FGF13: variants seen among roughly 807,000 people sequenced by gnomAD.
FGF13 encodes the protein fibroblast growth factor 13.
FGF13 carries 2 observed loss-of-function variants against 19.5 expected under a neutral mutation model. The ratio of observed to expected loss-of-function variants is 0.10; its 90% CI spans 0.04 to 0.32. FGF13 has a LOEUF of 0.32. FGF13 is among the 10% of genes least tolerant of loss of function. FGF13 has a pLI of 1.00. For missense variants in FGF13, 113 were observed against 192.7 expected (o/e 0.59, Z 2.45); for synonymous variants, 72 against 76.9 (o/e 0.94, Z 0.33).
intron 1 of FGF13, among the ~76,000 whole-genome samples, chrX:138,996,613 G>A (rs1326236876): frequency 8.9e-6 from 1 of 112,534 alleles, no homozygotes; most frequent in African/African-American, 3.2e-5. Context: ...CAGCAAGGCC[G>A]ACTGCCTCTC....
At chrX:138,960,707 C>T (rs912027902) in intron 1 of FGF13, among the ~76,000 whole-genome samples, 9 of 111,652 alleles carry the variant, frequency 8.1e-5, no homozygotes, top group Middle Eastern at 4.6e-3. Context: ...TTGTTTGTTT[C>T]GTTTTACTCT....
chrX:138,821,293 T>C (rs2090997799), intron 3 of FGF13, among the ~76,000 whole-genome samples: 1 of 111,984 alleles, frequency 8.9e-6, no homozygotes, highest in Non-Finnish European at 1.9e-5. Context: ...ACCTAAAATG[T>C]AGCTAATGTG....
intron 1 of FGF13, among the ~76,000 whole-genome samples, chrX:138,971,395 G>A (rs1046985236): frequency 1.8e-5 from 2 of 111,561 alleles, no homozygotes; most frequent in Admixed American, 9.5e-5. Flanking sequence ...TGTTTTTAAC[G>A]GACAAATAAT....
Position 138,631,240 on chromosome X carries a change from T to G in FGF13, c.*1610A>C, listed in dbSNP as rs985934126. ...GTTCTCAAAGGTAGAAAGGACACTA[T>G]TTAGTCCTGTGTATTCCCTCTAGAG... On this transcript the variant is annotated 3_prime_UTR_variant, in exon 5 of 5. Coordinates refer to ENST00000315930, the MANE Select transcript of FGF13 (RefSeq NM_004114.5). 8.0e-5 allele frequency: 9 copies of G among 112,015 alleles called. No individual in the cohort carries two copies. Among genetic ancestry groups the G allele is most frequent in the African/African-American group, 2.9e-4 (9 of 30,807 alleles). 9.2% of individuals were successfully genotyped at this position (112,015 alleles called of 1,213,427 possible).
chrX:139,028,624 A>T lies in FGF13; in HGVS notation c.-112-163974T>A, dbSNP rs1419001993. 9.2e-3 allele frequency among the ~76,000 whole-genome samples: 216 copies of T among 23,409 alleles called. 1 individual carries two copies. The highest frequency in any genetic ancestry group is 0.021 in the African/African-American group (191 of 8,930). The allele number at this position is 23,409 out of a possible 115,157, so 20.3% of individuals were successfully genotyped here. ...GTGTGTGTGTGTGTGTGTGAGAGAG[A>T]GAGAGAGAGAGTGTGTGTGTGTGTG... On this transcript the variant is annotated intron_variant, in intron 1 of 2. Transcript: ENST00000421460.
chrX:139,154,321 T>G (rs938820601), intron 1 of FGF13, among the ~76,000 whole-genome samples: 2 of 111,246 alleles, frequency 1.8e-5, no homozygotes, highest in African/African-American at 6.5e-5. Flanking sequence ...CTCAGAACAT[T>G]ATGTGCTGAT....
At chrX:139,189,672 T>C (rs2084309387) in intron 1 of FGF13, among the ~76,000 whole-genome samples, 1 of 111,597 alleles carries the variant, frequency 9.0e-6, no homozygotes, top group South Asian at 3.8e-4. Flanking sequence ...TGCAAGGGAC[T>C]GGGGTAATGG....
upstream of FGF13, among the ~76,000 whole-genome samples, chrX:138,742,783 C>G (rs1008998271): frequency 8.9e-6 from 1 of 112,064 alleles, no homozygotes; most frequent in Non-Finnish European, 1.9e-5. Context: ...GAGATTTAAT[C>G]ATTTCCTATT....
At chrX:139,010,624 C>A (rs2092124214) in intron 1 of FGF13, among the ~76,000 whole-genome samples, 2 of 111,015 alleles carry the variant, frequency 1.8e-5, no homozygotes, top group Admixed American at 9.6e-5. Context: ...AGTGACACAA[C>A]CTCTCAAAAC....
At chrX:138,955,544 A>C (rs965461803) in intron 1 of FGF13, among the ~76,000 whole-genome samples, 6 of 112,330 alleles carry the variant, frequency 5.3e-5, no homozygotes, top group Non-Finnish European at 1.1e-4. Flanking sequence ...GACCAAGGTT[A>C]CACAGGTAGT....
intron 1 of FGF13, among the ~76,000 whole-genome samples, chrX:139,096,881 C>T (rs1042933236): frequency 2.6e-4 from 29 of 111,733 alleles, no homozygotes; most frequent in Non-Finnish European, 5.6e-5. Context: ...AAGCAAACAT[C>T]AGTCAAGTTT....
chrX:139,070,017 C>T (rs1351554242), intron 1 of FGF13, among the ~76,000 whole-genome samples: 1 of 112,102 alleles, frequency 8.9e-6, no homozygotes, highest in Non-Finnish European at 1.9e-5. Flanking sequence ...AGACCTAAAA[C>T]CATAAAAACT....
At chrX:138,993,070 T>A (rs1187085887) in intron 1 of FGF13, among the ~76,000 whole-genome samples, 1 of 111,358 alleles carries the variant, frequency 9.0e-6, no homozygotes, top group Non-Finnish European at 1.9e-5. Context: ...TCAGAAAAAC[T>A]CACATTGAGA....
In FGF13 at chrX:139,088,897, C is replaced by A. The variant is rs1036187471; in HGVS notation, c.-113+114519G>T. On this transcript the variant is annotated intron_variant, in intron 1 of 2. Transcript: ENST00000421460. ...ATTAGTGTCCTTATAAAAGAGGCCACAGAGAACTCCCTCAATCCTTCCACC... is the reference window on the plus strand; with the variant it reads ...ATTAGTGTCCTTATAAAAGAGGCCAAAGAGAACTCCCTCAATCCTTCCACC... 1.5e-3 allele frequency among the ~76,000 whole-genome samples: 173 copies of A among 112,004 alleles called. 1 individual carries two copies. The highest frequency in any genetic ancestry group is 5.5e-3 in the African/African-American group (168 of 30,792).
intron 2 of FGF13, among the ~76,000 whole-genome samples, chrX:138,862,677 T>G (rs746897502): frequency 2.2e-4 from 25 of 112,204 alleles, no homozygotes; most frequent in African/African-American, 7.8e-4. Context: ...ATATAAGATT[T>G]AAGCTTTACT....
chrX:138,760,329 A>C (rs1182092738), intron 3 of FGF13, among the ~76,000 whole-genome samples: 1 of 111,948 alleles, frequency 8.9e-6, no homozygotes, highest in Non-Finnish European at 1.9e-5. Flanking sequence ...CCAAAGAGAA[A>C]GCAAGGAATA....
chrX:139,061,278 G>A (rs2092335191), intron 1 of FGF13, among the ~76,000 whole-genome samples: 1 of 111,926 alleles, frequency 8.9e-6, no homozygotes, highest in African/African-American at 3.3e-5. Context: ...TCATGTTGAG[G>A]ATTGATGCCC....
intron 1 of FGF13, among the ~76,000 whole-genome samples, chrX:139,176,251 C>T (rs914090498): frequency 3.6e-5 from 4 of 111,196 alleles, no homozygotes; most frequent in South Asian, 3.8e-4. Context: ...GGTGATATCC[C>T]GTTTATCATT....
intron 1 of FGF13, among the ~76,000 whole-genome samples, chrX:139,185,423 G>T (rs2084275095): frequency 8.9e-6 from 1 of 112,140 alleles, no homozygotes; most frequent in Non-Finnish European, 1.9e-5. Context: ...TTTGTCAATA[G>T]CAGTTCCAAT....
Sources: gnomAD v4.1 joint callset for allele counts (sites outside exome capture counted in the v4.1 genomes callset) on GRCh38, gnomAD v4.1.1 for gene constraint, MANE v1.5 for transcripts, NCBI Gene and HGNC (gene_info 2026-07-23, HGNC 2026-07-21) for gene names.